The following PCDHGC3 variants were observed in gnomAD, a reference collection of about 807,000 sequenced individuals.
The protein encoded by PCDHGC3 is protocadherin gamma subfamily C, 3, also known as protocadherin gamma-C3.
Under a neutral mutation model 59.2 loss-of-function variants are expected in PCDHGC3, and 26 were observed. The observed-to-expected ratio is 0.44, with a 90% CI of 0.32 to 0.61. PCDHGC3 has a LOEUF of 0.61. Among genes scored for constraint, PCDHGC3 ranks in the 20% least tolerant of loss-of-function variants. The probability of loss-of-function intolerance (pLI) is 0.05; values close to 1 mark genes in which losing one functional copy is unlikely to be tolerated. For missense variants in PCDHGC3, 1,080 were observed against 1,221.8 expected, an observed-to-expected ratio of 0.88 and a Z score of 1.73; for synonymous variants, 487 against 519.7, an observed-to-expected ratio of 0.94 and a Z score of 0.86.
In PCDHGC3 at chr5:141,482,843, G is replaced by T. The variant is rs1005014887; in HGVS notation, c.2430+4297G>T. On this transcript the variant is annotated intron_variant, in intron 1 of 3. Transcript: ENST00000308177. ...TCCTAGCACTTTGGGAGGCCAAGGT[G>T]GGCAGATCACTTGAGGTCAGGAGTT... Among the ~76,000 whole-genome samples the T allele has an allele frequency of 4.3e-5, 6 of 140,152 alleles. No homozygotes were observed. The South Asian group carries it at 8.6e-4, about 20-fold the overall frequency. 91.9% of individuals were successfully genotyped at this position (140,152 alleles called of 152,430 possible).
At position 141,489,861 on chromosome 5, in the gene PCDHGC3, A is replaced by G. The variant is rs1221756350; in HGVS notation, c.2431-4946A>G. The G allele has an allele frequency of 1.2e-5, 19 of 1,614,058 alleles. No individual in the cohort carries two copies. Among genetic ancestry groups the G allele is most frequent in the Non-Finnish European group, 1.5e-5 (18 of 1,179,998 alleles). On this transcript the variant is annotated intron_variant, in intron 1 of 3. Transcript: ENST00000308177. The surrounding 1 kb of genome is among the most constrained non-coding windows in gnomAD (Gnocchi z 4.5). ...AGCTGGATCGTGAAGCCCAGGCAAGACATCAGCTGGTGCTTACTGCTGTGG... is the reference window on the plus strand; with the variant it reads ...AGCTGGATCGTGAAGCCCAGGCAAGGCATCAGCTGGTGCTTACTGCTGTGG...
At chr5:141,502,074 C>G (rs73794927) in intron 2 of PCDHGC3, among the ~76,000 whole-genome samples, 1,657 of 152,272 alleles carry the variant, frequency 0.011, 27 homozygotes, top group African/African-American at 0.037. Flanking sequence ...CCCCCTTCAC[C>G]TGGGGCTGAG....
At position 141,489,295 on chromosome 5, in the gene PCDHGC3, T is replaced by C. The variant is rs2099685128; in HGVS notation, c.2431-5512T>C. 1.3e-6 allele frequency: 2 copies of C among 1,581,054 alleles called. No individual in the cohort carries two copies. The highest frequency in any genetic ancestry group is 1.7e-5 in the Admixed American group (1 of 57,148). ...TGGGAAATGGCAAGTGCTGTGCATG[T>C]TGTCCTTGTGCTGCTGGGGCTGGGT... On this transcript the variant is annotated intron_variant, in intron 1 of 3. Transcript: ENST00000308177. The surrounding 1 kb of genome is among the most constrained non-coding windows in gnomAD (Gnocchi z 4.5).
In PCDHGC3 at chr5:141,491,771, G is replaced by C. The variant is rs760915700; in HGVS notation, c.2431-3036G>C. ...GGAGAAGCCGCCCGTCCTCATAAGG[G>C]ATTGAACTTGCATCCACTCCTCTCC... On this transcript the variant is annotated intron_variant, in intron 1 of 3. Coordinates refer to ENST00000308177, the MANE Select transcript of PCDHGC3 (RefSeq NM_002588.4). The surrounding 1 kb of genome is among the most constrained non-coding windows in gnomAD (Gnocchi z 6.9). 6.4e-7 allele frequency: 1 copy of C among 1,558,290 alleles called. No individual in the cohort carries two copies. Among genetic ancestry groups the C allele is most frequent in the Non-Finnish European group, 8.7e-7 (1 of 1,153,586 alleles).
chr5:141,511,537 A>G lies in PCDHGC3; in HGVS notation c.*364A>G. 2 of 319,256 alleles carry G rather than the reference A, an allele frequency of 6.3e-6. No individual in the cohort carries two copies. Among genetic ancestry groups the G allele is most frequent in the South Asian group, 3.3e-5 (1 of 29,854 alleles). 19.8% of individuals were successfully genotyped at this position (319,256 alleles called of 1,614,324 possible). A position where few individuals can be genotyped will look rare whatever the true frequency, so the allele number is the denominator to read the frequency against. On this transcript the variant is annotated 3_prime_UTR_variant, in exon 4 of 4. Coordinates refer to ENST00000308177, the MANE Select transcript of PCDHGC3 (RefSeq NM_002588.4). ...TCCATCCCATGCCTCCCTCCTCCCC[A>G]CCCCACTCCAACAGTTCCTCTTTCC... is the stretch of plus-strand genomic sequence containing the variant.
chr5:141,498,230 C>T (rs2099782452), intron 2 of PCDHGC3, among the ~76,000 whole-genome samples: 1 of 152,200 alleles, frequency 6.6e-6, no homozygotes, highest in African/African-American at 2.4e-5. Flanking sequence ...GATGGTCAGG[C>T]ATACCAGCTT....
At chr5:141,480,205 A>G (rs2099514310) in intron 1 of PCDHGC3, among the ~76,000 whole-genome samples, 1 of 151,108 alleles carries the variant, frequency 6.6e-6, no homozygotes, top group Admixed American at 6.6e-5. Flanking sequence ...GCAGTTCAAG[A>G]CCAGCCTGAG....
chr5:141,484,869 G>C (rs2154580238), intron 1 of PCDHGC3: 1 of 292,558 alleles, frequency 3.4e-6, no homozygotes, highest in African/African-American at 2.2e-5. Flanking sequence ...GGGGGAGCGT[G>C]GAGGATAGGG....
rs539727453 is a variant in PCDHGC3 at position 141,487,510 on chromosome 5, C to G, written c.2431-7297C>G. ...GCTGTACACCCTTGGCTTCTGCACC[C>G]ACTCGGAGTGATAGCTTCATGATGG... On this transcript the variant is annotated intron_variant, in intron 1 of 3. Coordinates refer to ENST00000308177, the MANE Select transcript of PCDHGC3 (RefSeq NM_002588.4). This position sits in a 1 kb window ranked among gnomAD's most constrained non-coding sequence, Gnocchi z 5.0. The G allele has an allele frequency of 2.5e-6, 4 of 1,614,210 alleles. No homozygotes were observed. The highest frequency in any genetic ancestry group is 2.2e-5 in the East Asian group (1 of 44,860).
intron 2 of PCDHGC3, among the ~76,000 whole-genome samples, chr5:141,501,032 C>A (rs1370625012): frequency 6.6e-6 from 1 of 151,976 alleles, no homozygotes; most frequent in Non-Finnish European, 1.5e-5. Context: ...CCACGCCCAG[C>A]TAATTTTTGT....
Position 141,490,672 on chromosome 5 carries a change from G to T in PCDHGC3, c.2431-4135G>T. The T allele has an allele frequency of 6.2e-7, 1 of 1,614,114 alleles. No homozygotes were observed. Among genetic ancestry groups the T allele is most frequent in the Non-Finnish European group, 8.5e-7 (1 of 1,179,996 alleles). ...GGGCTCCCTTCTTTGCACTGTGGCT[G>T]CCTCAGATCCAGACACTGGGGATAA... On this transcript the variant is annotated intron_variant, in intron 1 of 3. Coordinates refer to ENST00000308177, the MANE Select transcript of PCDHGC3 (RefSeq NM_002588.4). The surrounding 1 kb of genome is among the most constrained non-coding windows in gnomAD (Gnocchi z 5.4).
Position 141,476,115 on chromosome 5 carries a change from A to G in PCDHGC3, c.-2A>G. 1 of 1,592,814 alleles carries G rather than the reference A, an allele frequency of 6.3e-7. No homozygotes were observed. The highest frequency in any genetic ancestry group is 8.5e-7 in the Non-Finnish European group (1 of 1,171,734). On this transcript the variant is annotated 5_prime_UTR_variant, in exon 1 of 4. Coordinates refer to ENST00000308177, the MANE Select transcript of PCDHGC3 (RefSeq NM_002588.4). This position sits in a 1 kb window ranked among gnomAD's most constrained non-coding sequence, Gnocchi z 7.6. ...CGCTGAGAGGAACTGCTTTTGAGTG[A>G]GATGGTCCCAGAGGCCTGGAGGAGC...
At position 141,491,660 on chromosome 5, in the gene PCDHGC3, C is replaced by A; in HGVS notation, c.2431-3147C>A. ...ACAGCTCTGGCGCTGGAGCCTGACGCCATCCGGTCCCGCTCTAATACGCTG... is the reference window on the plus strand; with the variant it reads ...ACAGCTCTGGCGCTGGAGCCTGACGACATCCGGTCCCGCTCTAATACGCTG... On this transcript the variant is annotated intron_variant, in intron 1 of 3. Transcript: ENST00000308177. The surrounding 1 kb of genome is among the most constrained non-coding windows in gnomAD (Gnocchi z 6.9). The A allele has an allele frequency of 6.2e-7, 1 of 1,613,810 alleles. No individual in the cohort carries two copies. The highest frequency in any genetic ancestry group is 8.5e-7 in the Non-Finnish European group (1 of 1,180,008).
At chr5:141,492,241 C>G (rs1351937353) in intron 1 of PCDHGC3, among the ~76,000 whole-genome samples, 2 of 152,186 alleles carry the variant, frequency 1.3e-5, no homozygotes, top group East Asian at 3.9e-4. Context: ...TGCTGGCCAC[C>G]CCCACGGCCC....
Position 141,487,910 on chromosome 5 carries a change from C to T in PCDHGC3, c.2431-6897C>T, listed in dbSNP as rs2099668803. The T allele has an allele frequency of 3.0e-6, 2 of 661,468 alleles. No individual in the cohort carries two copies. Among genetic ancestry groups the T allele is most frequent in the Non-Finnish European group, 5.1e-6 (2 of 388,904 alleles). The allele number at this position is 661,468 out of a possible 1,614,324, so 41.0% of individuals were successfully genotyped here. ...AGCATGATGATGGAATGTGGGAGCA[C>T]AGGAGGCTACAGTGCACAGGGTACA... On this transcript the variant is annotated intron_variant, in intron 1 of 3. Transcript: ENST00000308177. The surrounding 1 kb of genome is among the most constrained non-coding windows in gnomAD (Gnocchi z 5.0).
intron 2 of PCDHGC3, among the ~76,000 whole-genome samples, chr5:141,503,091 G>A (rs2099818095): frequency 6.6e-6 from 1 of 151,808 alleles, no homozygotes; most frequent in African/African-American, 2.4e-5. Flanking sequence ...CTGACCTCGT[G>A]GTCTGCCCGC....
intron 2 of PCDHGC3, among the ~76,000 whole-genome samples, chr5:141,495,826 A>G (rs1190417828): frequency 6.6e-6 from 1 of 150,888 alleles, no homozygotes; most frequent in African/African-American, 2.4e-5. Flanking sequence ...GTGTTCTTCT[A>G]TCCCCAGCCT....
Position 141,477,099 on chromosome 5 carries a change from G to C in PCDHGC3, c.983G>C (p.Gly328Ala). Residue 328 changes from glycine to alanine, a missense_variant, in exon 1 of 4, where the codon GGC (glycine) becomes GCC (alanine). Transcript: ENST00000308177. This position sits in a 1 kb window ranked among gnomAD's most constrained non-coding sequence, Gnocchi z 4.9. ...ATTTACATCCAGGCCAAAGACAAGG[G>C]CGCCAATCCCGAAGGAGCACATTGC... Reference protein sequence around the residue: ...HEIYIQAKDKGANPEGAHCKV... With the variant: ...HEIYIQAKDKAANPEGAHCKV... 6.2e-7 allele frequency: 1 copy of C among 1,614,256 alleles called. No individual in the cohort carries two copies. Among genetic ancestry groups the C allele is most frequent in the Non-Finnish European group, 8.5e-7 (1 of 1,180,054 alleles).
rs2099745754 is a variant in PCDHGC3 at position 141,493,023 on chromosome 5, T to A, written c.2431-1784T>A. Among the ~76,000 whole-genome samples the A allele has an allele frequency of 6.6e-6, 1 of 152,190 alleles. No individual in the cohort carries two copies. The highest frequency in any genetic ancestry group is 2.4e-5 in the African/African-American group (1 of 41,450). On this transcript the variant is annotated intron_variant, in intron 1 of 3. Coordinates refer to ENST00000308177, the MANE Select transcript of PCDHGC3 (RefSeq NM_002588.4). The surrounding 1 kb of genome is among the most constrained non-coding windows in gnomAD (Gnocchi z 4.3). ...CTATAGGCTCTGCCAGATGCCAGGGTGCCCTTATGTGTGAGGAAACTACAA... is the reference window on the plus strand; with the variant it reads ...CTATAGGCTCTGCCAGATGCCAGGGAGCCCTTATGTGTGAGGAAACTACAA...
Sources: allele counts gnomAD v4.1 joint callset (sites outside exome capture counted in the v4.1 genomes callset), GRCh38; gene constraint gnomAD v4.1.1; non-coding constraint Gnocchi (gnomAD v3.1); transcripts MANE v1.5; gene names NCBI Gene and HGNC (gene_info 2026-07-23, HGNC 2026-07-21).